WDR33: variants seen among roughly 807,000 people sequenced by gnomAD.
The protein encoded by WDR33 is pre-mRNA 3' end processing protein WDR33.
A neutral mutation model predicts 164.9 loss-of-function variants in WDR33; 47 were observed. The observed-to-expected ratio is 0.29, with a 90% CI of 0.23 to 0.36. WDR33 has a LOEUF of 0.36. Ranked by LOEUF, WDR33 falls within the 10% of genes least tolerant of loss-of-function variation. The pLI is 1.00. For synonymous variants in WDR33, 505 were observed against 589.0 expected (o/e 0.86, Z 2.06); for missense variants, 1,137 against 1,754.1 (o/e 0.65, Z 6.28).
Position 127,708,651 on chromosome 2 carries a change from A to C in WDR33, c.3781+26T>G. 6.4e-7 allele frequency: 1 copy of C among 1,552,808 alleles called. No individual in the cohort carries two copies. ...CTCCATCGGCCCCTGCATCTCCTGG[A>C]ACCATAACCACTGGCCTGCTCTTAC... On this transcript the variant is annotated intron_variant, in intron 21 of 21. Transcript: ENST00000322313. This position sits in a 1 kb window ranked among gnomAD's most constrained non-coding sequence, Gnocchi z 6.7.
In WDR33 at chr2:127,741,206, C is replaced by A. The variant is rs539814183; in HGVS notation, c.725-14429G>T. Among the ~76,000 whole-genome samples, 1 of 152,098 alleles carries A rather than the reference C, an allele frequency of 6.6e-6. No homozygotes were observed. Among genetic ancestry groups the A allele is most frequent in the Admixed American group, 6.5e-5 (1 of 15,276 alleles). The stretch of plus-strand genomic sequence containing the variant: ...AAGCACATTTCAGTCTGGGAAGAAA[C>A]CCTAGAGCAGGATTTGAGGCTGAAG... On this transcript the variant is annotated intron_variant, in intron 7 of 21. Transcript: ENST00000322313. The surrounding 1 kb of genome is among the most constrained non-coding windows in gnomAD (Gnocchi z 4.1).
intron 7 of WDR33, among the ~76,000 whole-genome samples, chr2:127,731,770 G>A (rs1686714421): frequency 6.6e-6 from 1 of 152,098 alleles, no homozygotes; most frequent in Non-Finnish European, 1.5e-5. Context: ...GACCTAAAAA[G>A]GGTACATATT....
chr2:127,724,746 G>T lies in WDR33; in HGVS notation c.1085+141C>A, dbSNP rs1686524767. The T allele has an allele frequency of 3.3e-6, 3 of 904,606 alleles. No individual in the cohort carries two copies. The highest frequency in any genetic ancestry group is 1.7e-5 in the African/African-American group (1 of 59,874). 56.0% of individuals were successfully genotyped at this position (904,606 alleles called of 1,614,324 possible). Reference sequence around the variant, plus strand: ...GAGGTACATTTTCTATTCCAAGCTGGATTTACAGAACTGAAAACTGCAAGC... The same window carrying T: ...GAGGTACATTTTCTATTCCAAGCTGTATTTACAGAACTGAAAACTGCAAGC... On this transcript the variant is annotated intron_variant, in intron 10 of 21. Transcript: ENST00000322313. This position sits in a 1 kb window ranked among gnomAD's most constrained non-coding sequence, Gnocchi z 4.8.
At position 127,701,669 on chromosome 2, in the gene WDR33, G is replaced by T. The variant is rs1233900982; in HGVS notation, c.*4654C>A. The stretch of plus-strand genomic sequence containing the variant: ...CGGCGGAGGAGTGGCTGGGCCGCGC[G>T]GGCTTGCGCTGGACGTGGGCGCGGA... On this transcript the variant is annotated 3_prime_UTR_variant, in exon 22 of 22. Coordinates refer to ENST00000322313, the MANE Select transcript of WDR33 (RefSeq NM_018383.5). 1 of 1,277,110 alleles carries T rather than the reference G, an allele frequency of 7.8e-7. No homozygotes were observed. The highest frequency in any genetic ancestry group is 9.8e-7 in the Non-Finnish European group (1 of 1,016,380). The allele number at this position is 1,277,110 out of a possible 1,614,324, so 79.1% of individuals were successfully genotyped here. A position where few individuals can be genotyped will look rare whatever the true frequency, so the allele number is the denominator to read the frequency against.
chr2:127,745,764 A>G (rs1479776484), intron 7 of WDR33, among the ~76,000 whole-genome samples: 1 of 152,180 alleles, frequency 6.6e-6, no homozygotes, highest in Non-Finnish European at 1.5e-5. Context: ...TCTGTAGAGT[A>G]ACTCGGTATG....
chr2:127,763,313 T>C lies in WDR33; in HGVS notation c.627-154A>G. ...AGCCCTTAAAGTGAATGTCGTCAGC[T>C]AACATAGGCATCTCATCAAAAGAAG... On this transcript the variant is annotated intron_variant, in intron 6 of 21. Transcript: ENST00000322313. The surrounding 1 kb of genome is among the most constrained non-coding windows in gnomAD (Gnocchi z 4.5). 2.1e-6 allele frequency: 3 copies of C among 1,446,626 alleles called. No homozygotes were observed. Among genetic ancestry groups the C allele is most frequent in the Non-Finnish European group, 2.7e-6 (3 of 1,101,420 alleles). The allele number at this position is 1,446,626 out of a possible 1,614,324, so 89.6% of individuals were successfully genotyped here. A position where few individuals can be genotyped will look rare whatever the true frequency, so the allele number is the denominator to read the frequency against.
At chr2:127,800,682 T>C (rs1295503939) in intron 1 of WDR33, among the ~76,000 whole-genome samples, 2 of 149,880 alleles carry the variant, frequency 1.3e-5, no homozygotes, top group Admixed American at 6.6e-5. Flanking sequence ...TCAAATGTTA[T>C]GAAGGAATTG....
In WDR33 at chr2:127,719,122, C is replaced by T. The variant is rs1385398824; in HGVS notation, c.2760+143G>A. On this transcript the variant is annotated intron_variant, in intron 16 of 21. Coordinates refer to ENST00000322313, the MANE Select transcript of WDR33 (RefSeq NM_018383.5). This position sits in a 1 kb window ranked among gnomAD's most constrained non-coding sequence, Gnocchi z 6.5. Reference sequence around the variant, plus strand: ...CATTCTTATGATTTCATTCTTCAGCCAGGATGCTAGTATCTTAAGCTACTG... The same window carrying T: ...CATTCTTATGATTTCATTCTTCAGCTAGGATGCTAGTATCTTAAGCTACTG... 2 of 1,060,324 alleles carry T rather than the reference C, an allele frequency of 1.9e-6. No homozygotes were observed. Among genetic ancestry groups the T allele is most frequent in the Non-Finnish European group, 2.5e-6 (2 of 806,672 alleles). The allele number at this position is 1,060,324 out of a possible 1,614,324, so 65.7% of individuals were successfully genotyped here.
intron 1 of WDR33, among the ~76,000 whole-genome samples, chr2:127,801,996 C>A (rs1321594449): frequency 1.3e-5 from 2 of 149,764 alleles, no homozygotes; most frequent in Non-Finnish European, 3.0e-5. Flanking sequence ...CCCTGGCCAA[C>A]ATGGTAAAAC....
intron 1 of WDR33, among the ~76,000 whole-genome samples, chr2:127,797,455 G>A (rs1195321630): frequency 1.3e-5 from 2 of 152,026 alleles, no homozygotes. Flanking sequence ...TCACACCACT[G>A]CACTCCACCC....
At chr2:127,786,707 T>A (rs970648264) in intron 1 of WDR33, among the ~76,000 whole-genome samples, 10 of 152,254 alleles carry the variant, frequency 6.6e-5, no homozygotes, top group African/African-American at 9.6e-5. Context: ...GTATTTTTTT[T>A]AAATATGCTG....
chr2:127,760,161 ATGTC>A (rs1358053540), intron 7 of WDR33, among the ~76,000 whole-genome samples: 1 of 152,230 alleles, frequency 6.6e-6, no homozygotes, highest in African/African-American at 2.4e-5. Context: ...ATCACTGAGA[ATGTC>A]TGTGAGTAGA....
At chr2:127,768,314 G>A in intron 3 of WDR33, 21 bp from the exon 4 acceptor site, 3 of 1,459,778 alleles carry the variant, frequency 2.1e-6, no homozygotes, top group Non-Finnish European at 2.8e-6. Context: ...GGAAAATTGG[G>A]TTCTTAGAGC....
chr2:127,782,691 A>G (rs2105463086), intron 1 of WDR33, among the ~76,000 whole-genome samples: 1 of 152,326 alleles, frequency 6.6e-6, no homozygotes, highest in Admixed American at 6.5e-5. Flanking sequence ...AGTATTAGGT[A>G]TAAGCAATCT....
In WDR33 at chr2:127,710,883, A is replaced by G. The variant is rs559966215; in HGVS notation, c.3309-1027T>C. ...AAGAACAGTACAATGAACATCCCAG[A>G]TCCTCCACCCAGATCAATCCCTTCT... is the stretch of plus-strand genomic sequence containing the variant. On this transcript the variant is annotated intron_variant, in intron 18 of 21. Transcript: ENST00000322313. The surrounding 1 kb of genome is among the most constrained non-coding windows in gnomAD (Gnocchi z 4.4). Among the ~76,000 whole-genome samples, 3 of 152,124 alleles carry G rather than the reference A, an allele frequency of 2.0e-5. No homozygotes were observed. The highest frequency in any genetic ancestry group is 4.4e-5 in the Non-Finnish European group (3 of 68,012).
intron 1 of WDR33, among the ~76,000 whole-genome samples, chr2:127,778,313 T>G (rs1298265852): frequency 6.6e-6 from 1 of 151,722 alleles, no homozygotes; most frequent in African/African-American, 2.4e-5. Flanking sequence ...GGCTGACGCC[T>G]GTAATCCCAG....
chr2:127,759,817 G>A (rs1045705747), intron 7 of WDR33, among the ~76,000 whole-genome samples: 5 of 152,182 alleles, frequency 3.3e-5, no homozygotes, highest in Non-Finnish European at 7.4e-5. Context: ...GAGGCAGGAG[G>A]ATCCCTTGAG....
chr2:127,808,974 G>A (rs534110786), intron 1 of WDR33, among the ~76,000 whole-genome samples: 26 of 147,996 alleles, frequency 1.8e-4, no homozygotes, highest in Non-Finnish European at 3.4e-4. Flanking sequence ...AGCTTGCAGC[G>A]AGCCAAAGAT....
At chr2:127,798,402 T>G (rs1170925240) in intron 1 of WDR33, among the ~76,000 whole-genome samples, 3 of 145,478 alleles carry the variant, frequency 2.1e-5, no homozygotes, top group Admixed American at 1.4e-4. Context: ...AAAATGAATT[T>G]AAAAGCATTT....
Sources: gnomAD v4.1 joint callset for allele counts (sites outside exome capture counted in the v4.1 genomes callset) on GRCh38, gnomAD v4.1.1 for gene constraint, Gnocchi (gnomAD v3.1) non-coding constraint, MANE v1.5 for transcripts, NCBI Gene and HGNC (gene_info 2026-07-23, HGNC 2026-07-21) for gene names.